LHFPL3: variants seen among roughly 807,000 people sequenced by gnomAD.
The protein encoded by LHFPL3 is LHFPL tetraspan subfamily member 3.
A neutral mutation model predicts 19.3 loss-of-function variants in LHFPL3; 5 were observed. The ratio of observed to expected loss-of-function variants is 0.26; its 90% CI spans 0.14 to 0.54. LHFPL3 has a LOEUF of 0.54. Ranked by LOEUF, LHFPL3 falls within the 20% of genes least tolerant of loss-of-function variation. LHFPL3 has a pLI of 0.94. For synonymous variants in LHFPL3, 133 were observed against 126.2 expected (o/e 1.05, Z -0.36); for missense variants, 249 against 307.4 (o/e 0.81, Z 1.42).
In LHFPL3 at chr7:104,788,119, C is replaced by G. The variant is rs528268724; in HGVS notation, c.682+51208C>G. Among the ~76,000 whole-genome samples, 136 of 152,278 alleles carry G rather than the reference C, an allele frequency of 8.9e-4. 1 individual carries two copies. The highest frequency in any genetic ancestry group is 8.8e-5 in the Non-Finnish European group (6 of 68,030). On this transcript the variant is annotated intron_variant, in intron 2 of 2. Transcript: ENST00000424859. ...AATAGAAACCATTTATTTCTGCTCACGCGTGGGGGAAAACATAATTTCTTT... is the reference window on the plus strand; with the variant it reads ...AATAGAAACCATTTATTTCTGCTCAGGCGTGGGGGAAAACATAATTTCTTT...
At chr7:104,520,280 C>A (rs1794029545) in intron 1 of LHFPL3, among the ~76,000 whole-genome samples, 2 of 150,980 alleles carry the variant, frequency 1.3e-5, no homozygotes, top group South Asian at 4.2e-4. Context: ...ACCAGCCTTG[C>A]ATCCCAGGGA....
intron 1 of LHFPL3, among the ~76,000 whole-genome samples, chr7:104,550,617 A>T (rs748544971): frequency 6.6e-6 from 1 of 152,324 alleles, no homozygotes; most frequent in East Asian, 1.9e-4. Context: ...CCCAAAAGCC[A>T]TGATGAGTCA....
intron 1 of LHFPL3, among the ~76,000 whole-genome samples, chr7:104,638,342 G>A (rs766513384): frequency 1.2e-4 from 19 of 152,102 alleles, no homozygotes; most frequent in Middle Eastern, 3.4e-3. Context: ...AACAGGGATA[G>A]TTTGATTTCC....
intron 1 of LHFPL3, chr7:104,668,107 A>G: frequency 1.9e-6 from 3 of 1,613,988 alleles, no homozygotes; most frequent in South Asian, 1.1e-5. Context: ...CGAGGATTAA[A>G]TATCAGTGCA....
intron 1 of LHFPL3, among the ~76,000 whole-genome samples, chr7:104,569,304 T>C (rs144746460): frequency 2.0e-5 from 3 of 152,324 alleles, no homozygotes; most frequent in African/African-American, 2.4e-5. Context: ...GGCAGGGAAA[T>C]GTATTAGTCA....
At chr7:104,747,616 T>TA (rs1343985207) in intron 2 of LHFPL3, among the ~76,000 whole-genome samples, 1 of 152,212 alleles carries the variant, frequency 6.6e-6, no homozygotes, top group African/African-American at 2.4e-5. Flanking sequence ...TTATAGAAGT[T>TA]AAAATAAATC....
intron 1 of LHFPL3, among the ~76,000 whole-genome samples, chr7:104,488,773 A>T (rs957631006): frequency 2.6e-5 from 4 of 152,224 alleles, no homozygotes; most frequent in African/African-American, 7.2e-5. Context: ...ACAAGGACGC[A>T]GCATGTTGAG....
chr7:104,841,748 C>G (rs890576525), intron 2 of LHFPL3, among the ~76,000 whole-genome samples: 43 of 152,190 alleles, frequency 2.8e-4, no homozygotes, highest in African/African-American at 9.9e-4. Flanking sequence ...ATAACTTTTG[C>G]ACCCATTTAT....
chr7:104,779,454 C>T (rs1018788047), intron 2 of LHFPL3, among the ~76,000 whole-genome samples: 3 of 152,198 alleles, frequency 2.0e-5, no homozygotes, highest in Non-Finnish European at 2.9e-5. Flanking sequence ...ACTTGGGAAT[C>T]AAGACAATTA....
intron 1 of LHFPL3, among the ~76,000 whole-genome samples, chr7:104,723,678 C>T (rs947334422): frequency 7.7e-5 from 10 of 130,254 alleles, no homozygotes; most frequent in Non-Finnish European, 1.1e-4. Flanking sequence ...GCCAAGATTG[C>T]ACCATTGCAC....
intron 1 of LHFPL3, among the ~76,000 whole-genome samples, chr7:104,478,116 G>C (rs1048288534): frequency 2.6e-5 from 4 of 152,124 alleles, no homozygotes; most frequent in African/African-American, 9.7e-5. Context: ...TTTTTGTGGT[G>C]AAGACATAAT....
chr7:104,502,655 T>A (rs137887357), intron 1 of LHFPL3, among the ~76,000 whole-genome samples: 89 of 152,246 alleles, frequency 5.8e-4, no homozygotes, highest in African/African-American at 2.0e-3. Context: ...CCCAATGTAT[T>A]TGTGCAAGAT....
At chr7:104,577,887 T>A (rs1790370799) in intron 1 of LHFPL3, among the ~76,000 whole-genome samples, 1 of 152,178 alleles carries the variant, frequency 6.6e-6, no homozygotes, top group Non-Finnish European at 1.5e-5. Context: ...ATCTCCACAG[T>A]AATACAGACT....
Position 104,873,496 on chromosome 7 carries a change from ACTACACCG to A in LHFPL3, c.683-32690_683-32683del, listed in dbSNP as rs1238586064. Reference sequence around the variant, plus strand: ...TAAAATTAGCCAGGCGTGCGGTAGCACTACACCGGTTATCCTAGCTACTTGGGAGGCTG... The same window carrying A: ...TAAAATTAGCCAGGCGTGCGGTAGCAGTTATCCTAGCTACTTGGGAGGCTG... On this transcript the variant is annotated intron_variant, in intron 2 of 2. Coordinates refer to ENST00000424859, the MANE Select transcript of LHFPL3 (RefSeq NM_199000.3). Among the ~76,000 whole-genome samples the A allele has an allele frequency of 2.4e-5, 3 of 127,654 alleles. No homozygotes were observed. In the East Asian group the frequency reaches 1.8e-3, roughly 75 times the overall value. The allele number at this position is 127,654 out of a possible 152,430, so 83.7% of individuals were successfully genotyped here.
intron 1 of LHFPL3, among the ~76,000 whole-genome samples, chr7:104,404,077 G>T (rs1791369508): frequency 6.6e-6 from 1 of 152,126 alleles, no homozygotes; most frequent in Admixed American, 6.5e-5. Context: ...GAGATCATAT[G>T]TCCCACAATC....
intron 1 of LHFPL3, among the ~76,000 whole-genome samples, chr7:104,378,826 G>C (rs915876156): frequency 6.6e-6 from 1 of 152,136 alleles, no homozygotes; most frequent in African/African-American, 2.4e-5. Context: ...CAACTCTTTT[G>C]TAAGAGTTAT....
At chr7:104,845,626 C>A in intron 2 of LHFPL3, 1 of 242,072 alleles carries the variant, frequency 4.1e-6, no homozygotes, top group Non-Finnish European at 6.7e-6. Context: ...CTCCCACAAT[C>A]CCTGGCACTT....
chr7:104,470,030 A>G (rs1406902793), intron 1 of LHFPL3: 3 of 455,940 alleles, frequency 6.6e-6, no homozygotes, highest in Admixed American at 2.3e-5. Flanking sequence ...TGCTGTGTGA[A>G]CTTCGGGTGT....
At chr7:104,483,989 G>A (rs1793188897) in intron 1 of LHFPL3, among the ~76,000 whole-genome samples, 1 of 152,142 alleles carries the variant, frequency 6.6e-6, no homozygotes, top group Admixed American at 6.5e-5. Flanking sequence ...AACAGAGTTG[G>A]TTTACATGGC....
Sources: allele counts gnomAD v4.1 joint callset (sites outside exome capture counted in the v4.1 genomes callset), GRCh38; gene constraint gnomAD v4.1.1; transcripts MANE v1.5; gene names NCBI Gene and HGNC (gene_info 2026-07-23, HGNC 2026-07-21).